TTLL5: variants seen among roughly 807,000 people sequenced by gnomAD.
TTLL5 encodes the protein tubulin tyrosine ligase like 5.
A neutral mutation model predicts 168.4 loss-of-function variants in TTLL5; 132 were observed. The observed-to-expected ratio is 0.78, with a 90% CI of 0.68 to 0.91. TTLL5 has a LOEUF of 0.91. TTLL5 is among the 40% of genes least tolerant of loss of function. The probability of loss-of-function intolerance (pLI) is 0.00; values close to 1 mark genes in which losing one functional copy is unlikely to be tolerated. For missense variants in TTLL5, 1,545 were observed against 1,581.5 expected, an observed-to-expected ratio of 0.98 and a Z score of 0.39; for synonymous variants, 546 against 558.6, an observed-to-expected ratio of 0.98 and a Z score of 0.32.
At chr14:75,688,607 T>C (rs1419590608) in intron 5 of TTLL5, among the ~76,000 whole-genome samples, 2 of 152,152 alleles carry the variant, frequency 1.3e-5, no homozygotes, top group African/African-American at 2.4e-5. Flanking sequence ...GGGCTTGCTA[T>C]TGGCATTGGA....
intron 30 of TTLL5, 117 bp from the exon 31 acceptor site, chr14:75,902,025 T>C (rs1204329101): frequency 2.5e-6 from 2 of 807,240 alleles, no homozygotes; most frequent in South Asian, 1.5e-5. Flanking sequence ...TTGAAGGAAG[T>C]GAGTGAATGA....
At chr14:75,793,249 C>G in intron 27 of TTLL5, 149 bp downstream of exon 27, 1 of 732,376 alleles carries the variant, frequency 1.4e-6, no homozygotes. Context: ...GCTAAATTAT[C>G]AAGTTTTTCC....
intron 28 of TTLL5, among the ~76,000 whole-genome samples, chr14:75,830,726 G>T (rs1895513551): frequency 6.6e-6 from 1 of 152,166 alleles, no homozygotes; most frequent in South Asian, 2.1e-4. Context: ...TCACTTAAGT[G>T]TATGTTGTCT....
intron 13 of TTLL5, 148 bp from the exon 14 acceptor site, chr14:75,733,841 C>G: frequency 1.5e-6 from 1 of 667,030 alleles, no homozygotes; most frequent in Non-Finnish European, 2.6e-6. Context: ...CAGGATTTTT[C>G]CCCCACCGCC....
chr14:75,696,529 A>G (rs1367463591), intron 6 of TTLL5, among the ~76,000 whole-genome samples: 1 of 152,220 alleles, frequency 6.6e-6, no homozygotes, highest in African/African-American at 2.4e-5. Flanking sequence ...ATACACATAC[A>G]TATATTCAGT....
intron 27 of TTLL5, among the ~76,000 whole-genome samples, chr14:75,800,727 T>C (rs2140366506): frequency 6.6e-6 from 1 of 152,220 alleles, no homozygotes; most frequent in South Asian, 2.1e-4. Flanking sequence ...ACTGCAGTGA[T>C]TGTTACTGCC....
chr14:75,693,384 G>C (rs1419082677), intron 6 of TTLL5, among the ~76,000 whole-genome samples: 2 of 152,164 alleles, frequency 1.3e-5, no homozygotes, highest in Non-Finnish European at 2.9e-5. Flanking sequence ...AGAGACACCA[G>C]CCAAGGTGAT....
intron 27 of TTLL5, among the ~76,000 whole-genome samples, chr14:75,817,997 C>A (rs1362015196): frequency 6.6e-6 from 1 of 151,684 alleles, no homozygotes; most frequent in Non-Finnish European, 1.5e-5. Context: ...GCCACCACGC[C>A]CAGCTAATTT....
At chr14:75,886,903 A>G (rs1566646104) in intron 30 of TTLL5, 3 of 1,460,646 alleles carry the variant, frequency 2.1e-6, no homozygotes, top group Non-Finnish European at 1.8e-6. Flanking sequence ...CACAAGGGCA[A>G]AACTCAGACT....
intron 28 of TTLL5, among the ~76,000 whole-genome samples, chr14:75,846,084 G>C (rs573873606): frequency 6.6e-6 from 1 of 152,242 alleles, no homozygotes; most frequent in Non-Finnish European, 1.5e-5. Context: ...ATTCCATAGA[G>C]AAGCTTTGAG....
At chr14:75,778,883 C>G (rs941778822) in intron 23 of TTLL5, among the ~76,000 whole-genome samples, 1 of 152,114 alleles carries the variant, frequency 6.6e-6, no homozygotes, top group African/African-American at 2.4e-5. Context: ...ATACTTTAGT[C>G]TCGTGCATTA....
At chr14:75,748,909 CT>C (rs1889779545) in intron 17 of TTLL5, among the ~76,000 whole-genome samples, 1 of 152,166 alleles carries the variant, frequency 6.6e-6, no homozygotes. Context: ...CCTCTGGTGA[CT>C]GCATTTTGAC....
At chr14:75,874,070 G>C (rs1162129873) in intron 29 of TTLL5, among the ~76,000 whole-genome samples, 1 of 127,946 alleles carries the variant, frequency 7.8e-6, no homozygotes, top group Non-Finnish European at 1.6e-5. Flanking sequence ...TGATTAAATG[G>C]TTATTCTTTA....
chr14:75,764,860 C>T (rs1031991529), intron 19 of TTLL5, 88 bp downstream of exon 19: 2 of 1,448,424 alleles, frequency 1.4e-6, no homozygotes, highest in African/African-American at 2.8e-5. Flanking sequence ...TTTCATGAGT[C>T]AGAATCTTCC....
chr14:75,719,192 C>T (rs1887679057), intron 10 of TTLL5, among the ~76,000 whole-genome samples: 1 of 152,124 alleles, frequency 6.6e-6, no homozygotes, highest in Admixed American at 6.5e-5. Context: ...TCAGTGTTAC[C>T]TCAAAAAAAT....
intron 18 of TTLL5, among the ~76,000 whole-genome samples, chr14:75,763,928 G>A (rs560371782): frequency 1.4e-3 from 211 of 152,076 alleles, no homozygotes; most frequent in Middle Eastern, 0.01. Context: ...TGTACTTAAC[G>A]CCTGTAAAGT....
At chr14:75,933,155 G>T (rs1411270089) in intron 31 of TTLL5, among the ~76,000 whole-genome samples, 1 of 152,070 alleles carries the variant, frequency 6.6e-6, no homozygotes, top group African/African-American at 2.4e-5. Flanking sequence ...AAAACTTAAC[G>T]GCTTAAAACA....
chr14:75,743,192 T>C (rs865843309), intron 15 of TTLL5, among the ~76,000 whole-genome samples: 61 of 152,262 alleles, frequency 4.0e-4, no homozygotes, highest in Admixed American at 2.3e-3. Context: ...TTTCTTGATA[T>C]AGATATCCAT....
At chr14:75,902,535 C>A in intron 31 of TTLL5, 1 of 529,380 alleles carries the variant, frequency 1.9e-6, no homozygotes, top group Non-Finnish European at 3.6e-6. Context: ...GTTGTATTTC[C>A]GCATGTTGTA....
Sources: allele counts gnomAD v4.1 joint callset (sites outside exome capture counted in the v4.1 genomes callset), GRCh38; gene constraint gnomAD v4.1.1; transcripts MANE v1.5; gene names NCBI Gene and HGNC (gene_info 2026-07-23, HGNC 2026-07-21).